C10orf90: variants seen among roughly 807,000 people sequenced by gnomAD.
C10orf90 encodes the protein (E2-independent) E3 ubiquitin-conjugating enzyme FATS.
C10orf90 carries 56 observed loss-of-function variants against 62.5 expected under a neutral mutation model. The observed-to-expected ratio is 0.90, with a 90% CI of 0.72 to 1.12. The LOEUF is 1.12. Ranked by LOEUF, C10orf90 falls within the 50% of genes most tolerant of loss-of-function variation. The probability of loss-of-function intolerance (pLI) is 0.00; values close to 1 mark genes in which losing one functional copy is unlikely to be tolerated. For missense variants in C10orf90, 970 were observed against 880.4 expected, an observed-to-expected ratio of 1.10 and a Z score of -1.29; for synonymous variants, 386 against 340.4, an observed-to-expected ratio of 1.13 and a Z score of -1.47.
chr10:126,445,104 T>C (rs972368956), intron 7 of C10orf90, among the ~76,000 whole-genome samples: 2 of 152,072 alleles, frequency 1.3e-5, no homozygotes. Context: ...AGACATTGGC[T>C]TAGGCAAGGA....
chr10:126,563,696 C>A (rs1413918705), intron 2 of C10orf90, among the ~76,000 whole-genome samples: 6 of 152,210 alleles, frequency 3.9e-5, no homozygotes, highest in African/African-American at 1.4e-4. Context: ...CATAGGAACA[C>A]AACCCATGGT....
rs527656905 is a variant in C10orf90 at position 126,622,327 on chromosome 10, A to G, written c.313+24238T>C. Among the ~76,000 whole-genome samples the G allele has an allele frequency of 3.3e-5, 5 of 152,056 alleles. No individual in the cohort carries two copies. In the East Asian group the frequency reaches 7.8e-4, roughly 24 times the overall value. On this transcript the variant is annotated intron_variant, in intron 2 of 9. Transcript: ENST00000488181. ...AAAGGAGACTCAGACCCAACTTTCC[A>G]ATCTTCATCACCCCTGCCCACTGGT...
chr10:126,446,887 G>A (rs1161006769), intron 7 of C10orf90, among the ~76,000 whole-genome samples: 2 of 152,008 alleles, frequency 1.3e-5, no homozygotes, highest in African/African-American at 2.4e-5. Context: ...CATAAAATGT[G>A]AGGAGAGGAA....
At chr10:126,487,142 C>CAAAA (rs1158481155) in intron 4 of C10orf90, among the ~76,000 whole-genome samples, 139 of 29,008 alleles carry the variant, frequency 4.8e-3, no homozygotes, top group Non-Finnish European at 5.3e-3. Context: ...AAAACTCTGT[C>CAAAA]AAAAAAAAAA....
At chr10:126,441,002 G>C (rs1858282820) in intron 7 of C10orf90, among the ~76,000 whole-genome samples, 1 of 151,998 alleles carries the variant, frequency 6.6e-6, no homozygotes, top group Non-Finnish European at 1.5e-5. Flanking sequence ...AATCACACTG[G>C]CTTACCAGCA....
intron 2 of C10orf90, among the ~76,000 whole-genome samples, chr10:126,645,254 A>C (rs1846144831): frequency 6.9e-6 from 1 of 145,616 alleles, no homozygotes; most frequent in Non-Finnish European, 1.5e-5. Flanking sequence ...TAAAACTTAA[A>C]GTATAAAAAA....
chr10:126,577,850 T>G (rs1844658616), intron 2 of C10orf90, among the ~76,000 whole-genome samples: 1 of 152,054 alleles, frequency 6.6e-6, no homozygotes, highest in Non-Finnish European at 1.5e-5. Context: ...CCTCTCCTAA[T>G]TTATGACAAA....
intron 7 of C10orf90, among the ~76,000 whole-genome samples, chr10:126,451,740 T>C (rs1859214193): frequency 6.6e-6 from 1 of 152,066 alleles, no homozygotes; most frequent in Non-Finnish European, 1.5e-5. Context: ...CGGAATACTA[T>C]ACAGTCTTAA....
chr10:126,453,884 G>A lies in C10orf90; in HGVS notation c.2188+5156C>T, dbSNP rs74158270. Among the ~76,000 whole-genome samples the A allele has an allele frequency of 0.031, 4,781 of 152,228 alleles. 245 individuals are homozygous for A. The highest frequency in any genetic ancestry group is 0.11 in the African/African-American group (4,362 of 41,498). On this transcript the variant is annotated intron_variant, in intron 7 of 9. Coordinates refer to ENST00000488181, the MANE Select transcript of C10orf90 (RefSeq NM_001350921.2). The surrounding 1 kb of genome is among the most constrained non-coding windows in gnomAD (Gnocchi z 4.9). ...GGTGGTTTGGGAACCCTGATCATGA[G>A]TGTTTTTGGAGTGAAGGAAGGACAG...
In C10orf90 at chr10:126,512,581, A is replaced by T. The variant is rs144101597; in HGVS notation, c.405+1267T>A. 1.0e-3 allele frequency among the ~76,000 whole-genome samples: 154 copies of T among 152,232 alleles called. 4 individuals are homozygous for T. The East Asian group carries it at 0.023, about 23-fold the overall frequency. On this transcript the variant is annotated intron_variant, in intron 3 of 9. Coordinates refer to ENST00000488181, the MANE Select transcript of C10orf90 (RefSeq NM_001350921.2). ...AATATCCTCAGTTGATATCTTTCTT[A>T]AAAAAGTGTAGCAGTGGAGCTCAGC...
chr10:126,452,691 T>C (rs1859283417), intron 7 of C10orf90, among the ~76,000 whole-genome samples: 1 of 152,226 alleles, frequency 6.6e-6, no homozygotes, highest in South Asian at 2.1e-4. Flanking sequence ...TCTTCCCAAG[T>C]ATCTTAATAA....
At chr10:126,554,259 A>G (rs965039018) in intron 2 of C10orf90, among the ~76,000 whole-genome samples, 5 of 152,170 alleles carry the variant, frequency 3.3e-5, no homozygotes, top group Non-Finnish European at 1.5e-5. Flanking sequence ...CAAGCAAAAG[A>G]AGCCAGACCC....
chr10:126,533,118 T>C (rs1485785277), intron 2 of C10orf90, among the ~76,000 whole-genome samples: 4 of 151,588 alleles, frequency 2.6e-5, no homozygotes, highest in Non-Finnish European at 5.9e-5. Context: ...GTATTTTTAG[T>C]AGAGATGGGG....
At chr10:126,637,206 C>T (rs558591574) in intron 2 of C10orf90, among the ~76,000 whole-genome samples, 1 of 152,188 alleles carries the variant, frequency 6.6e-6, no homozygotes, top group South Asian at 2.1e-4. Context: ...GAGGCTGATG[C>T]CAGGAGGAGG....
In C10orf90 at chr10:126,633,828, T is replaced by C. The variant is rs145243781; in HGVS notation, c.313+12737A>G. ...ACACACCTGTAAGCATCTGTATCTT[T>C]TGGCAGGTGGAGAGGTTGATATCAT... is the stretch of plus-strand genomic sequence containing the variant. On this transcript the variant is annotated intron_variant, in intron 2 of 9. Coordinates refer to ENST00000488181, the MANE Select transcript of C10orf90 (RefSeq NM_001350921.2). Among the ~76,000 whole-genome samples, 67 of 152,350 alleles carry C rather than the reference T, an allele frequency of 4.4e-4. No homozygotes were observed. In the East Asian group the frequency reaches 8.3e-3, roughly 19 times the overall value.
At chr10:126,472,638 C>T (rs1187303323) in intron 4 of C10orf90, among the ~76,000 whole-genome samples, 1 of 151,922 alleles carries the variant, frequency 6.6e-6, no homozygotes, top group African/African-American at 2.4e-5. Flanking sequence ...GGTACTCTGA[C>T]AATTACCAAG....
chr10:126,486,429 AATAAT>A (rs781615334), intron 4 of C10orf90, among the ~76,000 whole-genome samples: 3 of 152,238 alleles, frequency 2.0e-5, no homozygotes, highest in African/African-American at 4.8e-5. Context: ...CAGAAATCTT[AATAAT>A]ATAAGAAACA....
chr10:126,605,851 A>C (rs1445274207), intron 2 of C10orf90, among the ~76,000 whole-genome samples: 1 of 151,550 alleles, frequency 6.6e-6, no homozygotes, highest in Middle Eastern at 3.4e-3. Flanking sequence ...GCTAAAAGAT[A>C]CAAAGGAAAA....
chr10:126,633,434 T>TGGCCAA (rs1467589344), intron 2 of C10orf90, among the ~76,000 whole-genome samples: 1 of 152,240 alleles, frequency 6.6e-6, no homozygotes, highest in East Asian at 1.9e-4. Context: ...CTGATGAACA[T>TGGCCAA]GGCCAAGGCC....
Sources: allele counts gnomAD v4.1 joint callset (sites outside exome capture counted in the v4.1 genomes callset), GRCh38; gene constraint gnomAD v4.1.1; non-coding constraint Gnocchi (gnomAD v3.1); transcripts MANE v1.5; gene names NCBI Gene and HGNC (gene_info 2026-07-23, HGNC 2026-07-21).